Variants in TMEM229B observed in about 807,000 individuals in gnomAD.
TMEM229B encodes the protein chromosome 14 open reading frame 83.
A neutral mutation model predicts 13.7 loss-of-function variants in TMEM229B; 6 were observed. The observed-to-expected ratio is 0.44, with a 90% confidence interval of 0.24 to 0.86. The LOEUF (loss-of-function observed/expected upper bound fraction) is 0.86. Ranked by LOEUF, TMEM229B falls within the 40% of genes least tolerant of loss-of-function variation. The pLI, the probability that TMEM229B is intolerant of heterozygous loss-of-function variation, is 0.23. For synonymous variants in TMEM229B, 107 were observed against 102.1 expected, an observed-to-expected ratio of 1.05 and a Z score of -0.29; for missense variants, 170 against 236.0, an observed-to-expected ratio of 0.72 and a Z score of 1.83.
chr14:67,508,698 G>A (rs1167719542), intron 1 of TMEM229B, among the ~76,000 whole-genome samples: 2 of 138,686 alleles, frequency 1.4e-5, no homozygotes, highest in African/African-American at 5.2e-5. Flanking sequence ...AGGCTTCATT[G>A]AGCTGGGATT....
Position 67,470,506 on chromosome 14 carries a change from C to G in TMEM229B, c.*2914G>C, listed in dbSNP as rs1458647483. ...GAAGGCACTCTCCCTGCCATGGCTC[C>G]CCTAAGGGCTGGGCCTCTAACCTGT... is the stretch of plus-strand genomic sequence containing the variant. On this transcript the variant is annotated 3_prime_UTR_variant, in exon 3 of 3. Coordinates refer to ENST00000554480, the MANE Select transcript of TMEM229B (RefSeq NM_001348543.2). The G allele has an allele frequency of 6.6e-6, 1 of 152,566 alleles. No individual in the cohort carries two copies. Among genetic ancestry groups the G allele is most frequent in the East Asian group, 1.9e-4 (1 of 5,184 alleles). 9.5% of individuals were successfully genotyped at this position (152,566 alleles called of 1,614,324 possible).
intron 1 of TMEM229B, among the ~76,000 whole-genome samples, chr14:67,511,350 A>G (rs926323657): frequency 6.0e-5 from 5 of 83,720 alleles, no homozygotes; most frequent in Non-Finnish European, 1.8e-4. Flanking sequence ...CTTATTTAAA[A>G]AAACAAAAAA....
At chr14:67,476,812 T>C (rs998940216) in intron 2 of TMEM229B, among the ~76,000 whole-genome samples, 1 of 152,050 alleles carries the variant, frequency 6.6e-6, no homozygotes, top group Non-Finnish European at 1.5e-5. Context: ...ACGTACCAAA[T>C]GTCTCTCCCC....
chr14:67,518,885 A>C (rs1224467501), upstream of TMEM229B, among the ~76,000 whole-genome samples: 1 of 152,200 alleles, frequency 6.6e-6, no homozygotes, highest in Admixed American at 6.6e-5. Flanking sequence ...AGGGAGACGG[A>C]GCATGGAAAT....
Position 67,473,324 on chromosome 14 carries a change from A to C in TMEM229B, c.*96T>G, listed in dbSNP as rs908256076. 8 of 1,511,584 alleles carry C rather than the reference A, an allele frequency of 5.3e-6. No individual in the cohort carries two copies. Among genetic ancestry groups the C allele is most frequent in the Non-Finnish European group, 7.2e-6 (8 of 1,114,140 alleles). 93.6% of individuals were successfully genotyped at this position (1,511,584 alleles called of 1,614,324 possible). On this transcript the variant is annotated 3_prime_UTR_variant, in exon 3 of 3. Coordinates refer to ENST00000554480, the MANE Select transcript of TMEM229B (RefSeq NM_001348543.2). This position sits in a 1 kb window ranked among gnomAD's most constrained non-coding sequence, Gnocchi z 6.5. ...TATAGGGCTGAGGCTTGGCCGGAGC[A>C]GGGCTTTTGCTGCATGGATGGGGCA...
chr14:67,486,221 T>A (rs2031869499), intron 2 of TMEM229B, among the ~76,000 whole-genome samples: 1 of 152,202 alleles, frequency 6.6e-6, no homozygotes, highest in African/African-American at 2.4e-5. Context: ...TGGGGCCAGG[T>A]CTTTCTCATG....
intron 2 of TMEM229B, among the ~76,000 whole-genome samples, chr14:67,477,898 T>A (rs982856771): frequency 6.6e-6 from 1 of 152,172 alleles, no homozygotes; most frequent in Non-Finnish European, 1.5e-5. Context: ...CTGTCTGGCT[T>A]CCTCTGCCAC....
chr14:67,483,016 T>C (rs993972830), intron 2 of TMEM229B, among the ~76,000 whole-genome samples: 25 of 152,102 alleles, frequency 1.6e-4, no homozygotes, highest in African/African-American at 6.0e-4. Context: ...TTTTTGTTTG[T>C]TTTTTGTTTT....
At chr14:67,519,558 T>C (rs8019974), upstream of TMEM229B, among the ~76,000 whole-genome samples, 63,911 of 151,914 alleles carry the variant, frequency 0.42, 13,964 homozygotes, top group East Asian at 0.48. Context: ...CCCTACTAGG[T>C]ACTGCACATC....
chr14:67,507,999 G>A lies in TMEM229B; in HGVS notation c.-192+7087C>T, dbSNP rs539920620. On this transcript the variant is annotated intron_variant, in intron 1 of 2. Transcript: ENST00000357461. ...ACTAAAAATACAAAATTAGCCGGAC[G>A]TGGGGGCGCATGCCTCTAATCCCAG... Among the ~76,000 whole-genome samples the A allele has an allele frequency of 3.9e-5, 6 of 152,168 alleles. No homozygotes were observed. The South Asian group carries it at 8.3e-4, about 21-fold the overall frequency.
At chr14:67,506,541 G>T (rs970816806) in intron 1 of TMEM229B, among the ~76,000 whole-genome samples, 2 of 152,208 alleles carry the variant, frequency 1.3e-5, no homozygotes, top group Non-Finnish European at 2.9e-5. Flanking sequence ...AAATAATGGG[G>T]ATAGGGGAAT....
chr14:67,512,653 A>G (rs979368370), intron 1 of TMEM229B, among the ~76,000 whole-genome samples: 25 of 152,098 alleles, frequency 1.6e-4, no homozygotes, highest in Non-Finnish European at 2.4e-4. Flanking sequence ...GATAAGACCA[A>G]GCTGCCTCAC....
At chr14:67,510,176 TGAGAA>T (rs1425629318) in intron 1 of TMEM229B, among the ~76,000 whole-genome samples, 4 of 152,198 alleles carry the variant, frequency 2.6e-5, no homozygotes, top group African/African-American at 9.6e-5. Context: ...CTCATTGATA[TGAGAA>T]AAGAACATAT....
chr14:67,507,523 A>T (rs1443510378), intron 1 of TMEM229B, among the ~76,000 whole-genome samples: 1 of 151,908 alleles, frequency 6.6e-6, no homozygotes, highest in East Asian at 1.9e-4. Context: ...GTCACAGCTC[A>T]TTGCAGCCTC....
chr14:67,513,517 C>G (rs557494844), intron 1 of TMEM229B, among the ~76,000 whole-genome samples: 39 of 152,342 alleles, frequency 2.6e-4, no homozygotes, highest in Admixed American at 2.4e-3. Context: ...GTTGTCCCCA[C>G]CCAACGCCTG....
At chr14:67,524,590 G>A (rs1180328182) in intron 1 of TMEM229B, among the ~76,000 whole-genome samples, 1 of 152,114 alleles carries the variant, frequency 6.6e-6, no homozygotes, top group East Asian at 1.9e-4. Flanking sequence ...TCCTCAAATG[G>A]AGAAAATGGC....
At chr14:67,495,247 C>T (rs1285954977) in intron 1 of TMEM229B, among the ~76,000 whole-genome samples, 1 of 151,928 alleles carries the variant, frequency 6.6e-6, no homozygotes, top group Non-Finnish European at 1.5e-5. Context: ...CTCCTGGAAA[C>T]ATTTCCTCTT....
intron 1 of TMEM229B, among the ~76,000 whole-genome samples, chr14:67,530,271 A>G (rs2033425419): frequency 1.3e-5 from 2 of 152,230 alleles, no homozygotes; most frequent in Non-Finnish European, 2.9e-5. Context: ...CAACCCTAAG[A>G]GGCCAGAATT....
Position 67,473,969 on chromosome 14 carries a change from A to AG in TMEM229B, c.-18-29dup, listed in dbSNP as rs2030986490. On this transcript the variant is annotated intron_variant, in intron 2 of 2. Coordinates refer to ENST00000554480, the MANE Select transcript of TMEM229B (RefSeq NM_001348543.2). This position sits in a 1 kb window ranked among gnomAD's most constrained non-coding sequence, Gnocchi z 6.5. The stretch of plus-strand genomic sequence containing the variant: ...GCGGGGGGCGCAAGAGAGACAGGTG[A>AG]GGGCCGGGCGCGGTGGCTCACGCCT... The AG allele has an allele frequency of 1.3e-6, 2 of 1,549,306 alleles. No homozygotes were observed. Among genetic ancestry groups the AG allele is most frequent in the Non-Finnish European group, 1.7e-6 (2 of 1,149,350 alleles).
Sources: gnomAD v4.1 joint callset for allele counts (sites outside exome capture counted in the v4.1 genomes callset) on GRCh38, gnomAD v4.1.1 for gene constraint, Gnocchi (gnomAD v3.1) non-coding constraint, MANE v1.5 for transcripts, NCBI Gene and HGNC (gene_info 2026-07-23, HGNC 2026-07-21) for gene names.